SHTN1: variants seen among roughly 807,000 people sequenced by gnomAD.
SHTN1 encodes shootin 1.
A neutral mutation model predicts 83.1 loss-of-function variants in SHTN1; 42 were observed. The ratio of observed to expected loss-of-function variants is 0.51; its 90% CI spans 0.39 to 0.65. The LOEUF (loss-of-function observed/expected upper bound fraction) is 0.65. SHTN1 is among the 30% of genes least tolerant of loss of function. The pLI, the probability that SHTN1 is intolerant of heterozygous loss-of-function variation, is 0.00. For synonymous variants in SHTN1, 224 were observed against 247.7 expected, an observed-to-expected ratio of 0.90 and a Z score of 0.90; for missense variants, 622 against 737.8, an observed-to-expected ratio of 0.84 and a Z score of 1.82.
intron 15 of SHTN1, among the ~76,000 whole-genome samples, chr10:116,902,929 T>C (rs1847804623): frequency 6.6e-6 from 1 of 152,178 alleles, no homozygotes; most frequent in Admixed American, 6.5e-5. Flanking sequence ...TCCCTGACCA[T>C]TGGTATTAAG....
chr10:117,088,524 T>C (rs1853383546), intron 1 of SHTN1, among the ~76,000 whole-genome samples: 1 of 152,124 alleles, frequency 6.6e-6, no homozygotes, highest in African/African-American at 2.4e-5. Context: ...AAACTGGAAT[T>C]ATAGCTAGAA....
chr10:116,901,370 G>A lies in SHTN1; in HGVS notation c.1673+395C>T, dbSNP rs1050493032. 33 of 984,850 alleles carry A rather than the reference G, an allele frequency of 3.4e-5. No individual in the cohort carries two copies. In the African/African-American group the frequency reaches 3.8e-4, roughly 11 times the overall value. 61.0% of individuals were successfully genotyped at this position (984,850 alleles called of 1,614,324 possible). On this transcript the variant is annotated intron_variant, in intron 16 of 16. Coordinates refer to ENST00000355371, the MANE Select transcript of SHTN1 (RefSeq NM_001127211.3). ...GACTAGAAAAGAAGGTTGTAAAAAC[G>A]TGCCCTTCTAAGTAGTCTCTGAAAG...
chr10:116,998,691 T>C (rs1851720821), intron 1 of SHTN1, among the ~76,000 whole-genome samples: 2 of 152,158 alleles, frequency 1.3e-5, no homozygotes, highest in Admixed American at 1.3e-4. Context: ...GCTTATCAGT[T>C]GGTGCATTTC....
intron 1 of SHTN1, among the ~76,000 whole-genome samples, chr10:117,004,739 C>A (rs1160120456): frequency 6.6e-6 from 1 of 152,202 alleles, no homozygotes; most frequent in Non-Finnish European, 1.5e-5. Context: ...AATCCTCGTC[C>A]CTTCCCCCAG....
intron 2 of SHTN1, among the ~76,000 whole-genome samples, chr10:117,034,509 C>CA (rs1399538667): frequency 6.6e-6 from 1 of 152,016 alleles, no homozygotes; most frequent in Non-Finnish European, 1.5e-5. Context: ...GGTGTGGTGG[C>CA]ACATGCCTCT....
intron 10 of SHTN1, among the ~76,000 whole-genome samples, chr10:116,928,425 ATT>A (rs1370215344): frequency 6.6e-6 from 1 of 152,164 alleles, no homozygotes; most frequent in Non-Finnish European, 1.5e-5. Context: ...TTTTGAAGAG[ATT>A]TCTGGAAATG....
chr10:117,028,656 C>T (rs1242077695), intron 2 of SHTN1, among the ~76,000 whole-genome samples: 2 of 152,132 alleles, frequency 1.3e-5, no homozygotes, highest in East Asian at 3.9e-4. Context: ...ACCTGGGCCA[C>T]TTCTTTAGAG....
At chr10:117,049,093 C>A (rs1852707026) in intron 1 of SHTN1, among the ~76,000 whole-genome samples, 1 of 152,282 alleles carries the variant, frequency 6.6e-6, no homozygotes, top group East Asian at 1.9e-4. Context: ...CTACCCAAAG[C>A]TAAGGTGCTA....
At chr10:117,030,871 C>G (rs371377139) in intron 2 of SHTN1, among the ~76,000 whole-genome samples, 29 of 151,878 alleles carry the variant, frequency 1.9e-4, no homozygotes, top group Middle Eastern at 6.9e-3. Context: ...AGAAAATAGC[C>G]TCAAAAGGGC....
chr10:117,039,810 G>A (rs766228413), intron 2 of SHTN1, among the ~76,000 whole-genome samples: 24 of 149,090 alleles, frequency 1.6e-4, no homozygotes, highest in Middle Eastern at 3.4e-3. Context: ...CCAAGATTGC[G>A]CCCCTGCACT....
chr10:116,936,180 C>G (rs1331560539), intron 9 of SHTN1, among the ~76,000 whole-genome samples: 3 of 152,068 alleles, frequency 2.0e-5, no homozygotes, highest in Non-Finnish European at 2.9e-5. Context: ...CAGTTCTGCT[C>G]TGATCTTAGT....
intron 9 of SHTN1, among the ~76,000 whole-genome samples, chr10:116,932,251 G>A (rs1848998433): frequency 6.6e-6 from 1 of 152,190 alleles, no homozygotes; most frequent in Non-Finnish European, 1.5e-5. Flanking sequence ...TCCATGGCCT[G>A]TTAGGAACCA....
chr10:116,927,641 G>T, intron 11 of SHTN1, 151 bp downstream of exon 11: 1 of 1,011,276 alleles, frequency 9.9e-7, no homozygotes, highest in Non-Finnish European at 1.4e-6. Flanking sequence ...ATTTGGGTGG[G>T]GACACAACCA....
chr10:117,012,924 A>C (rs956744757), intron 2 of SHTN1, among the ~76,000 whole-genome samples: 4 of 151,958 alleles, frequency 2.6e-5, no homozygotes, highest in African/African-American at 4.8e-5. Flanking sequence ...TACTCTTAAA[A>C]CTCCAACAAT....
chr10:116,907,851 C>G, intron 14 of SHTN1: 1 of 515,892 alleles, frequency 1.9e-6, no homozygotes, highest in East Asian at 5.5e-5. Context: ...ATAATCTTGC[C>G]AGCCTTTGTA....
intron 1 of SHTN1, among the ~76,000 whole-genome samples, chr10:117,119,258 C>G (rs1442409573): frequency 6.6e-6 from 1 of 152,046 alleles, no homozygotes; most frequent in Non-Finnish European, 1.5e-5. Flanking sequence ...AAAGAGACAA[C>G]CCACAGAATG....
At chr10:117,012,161 A>AG (rs1379922041) in intron 2 of SHTN1, among the ~76,000 whole-genome samples, 7 of 151,518 alleles carry the variant, frequency 4.6e-5, no homozygotes, top group African/African-American at 1.7e-4. Flanking sequence ...AAAGAGAAAA[A>AG]GGAAAAAAAA....
intron 2 of SHTN1, among the ~76,000 whole-genome samples, chr10:116,970,313 T>C (rs960770891): frequency 1.3e-5 from 2 of 152,226 alleles, no homozygotes; most frequent in African/African-American, 4.8e-5. Flanking sequence ...GTATAACATA[T>C]ACAAAAATGT....
At chr10:116,938,038 C>A (rs979887391) in intron 9 of SHTN1, among the ~76,000 whole-genome samples, 3 of 151,864 alleles carry the variant, frequency 2.0e-5, no homozygotes, top group Admixed American at 6.6e-5. Flanking sequence ...CTTCTCTAAA[C>A]TGGTTTTTCT....
Sources: gnomAD v4.1 joint callset for allele counts (sites outside exome capture counted in the v4.1 genomes callset) on GRCh38, gnomAD v4.1.1 for gene constraint, MANE v1.5 for transcripts, NCBI Gene and HGNC (gene_info 2026-07-23, HGNC 2026-07-21) for gene names.